Variants in EIF3E observed in about 807,000 individuals in gnomAD.
EIF3E encodes eIF-3 p48.
In EIF3E, 25 loss-of-function variants were observed where a neutral mutation model predicts 59.3. The ratio of observed to expected loss-of-function variants is 0.42; its 90% CI spans 0.31 to 0.59. EIF3E has a LOEUF of 0.59. Ranked by LOEUF, EIF3E falls within the 20% of genes least tolerant of loss-of-function variation. The pLI is 0.15. For missense variants in EIF3E, 317 were observed against 534.3 expected (o/e 0.59, Z 4.01); for synonymous variants, 176 against 170.2 (o/e 1.03, Z -0.26).
Position 108,201,801 on chromosome 8 carries a change from A to G in EIF3E, c.*84T>C. The stretch of plus-strand genomic sequence containing the variant: ...ATTTATACGTAATATGTTGTTTCCA[A>G]AATGTAAGTCACCCTTTATATAATA... On this transcript the variant is annotated 3_prime_UTR_variant, in exon 13 of 13. Transcript: ENST00000220849. The G allele has an allele frequency of 8.6e-7, 1 of 1,161,754 alleles. No individual in the cohort carries two copies. The highest frequency in any genetic ancestry group is 1.1e-6 in the Non-Finnish European group (1 of 877,462). The allele number at this position is 1,161,754 out of a possible 1,614,324, so 72.0% of individuals were successfully genotyped here.
chr8:108,240,114 A>C, intron 2 of EIF3E, 39 bp from the exon 3 acceptor site: 1 of 1,503,630 alleles, frequency 6.7e-7, no homozygotes, highest in Non-Finnish European at 9.3e-7. Flanking sequence ...ATGTTAAGGA[A>C]TGTTAAATTG....
chr8:108,235,067 A>C lies in EIF3E; in HGVS notation c.402T>G (p.Tyr134Ter). Residue 134 changes from tyrosine to a stop codon, truncating the protein, a stop_gained, in exon 5 of 13, where the codon TAT becomes TAG. Coordinates refer to ENST00000220849, the MANE Select transcript of EIF3E (RefSeq NM_001568.3). LOFTEE classifies it high-confidence loss of function. ...RQEYLDTLYR[Y>*]AKFQYECGNY... ...TCCCACATTCGTACTGGAATTTTGC[A>C]TATCTGTAGAGTGTATCTAAATATT... 1.3e-6 allele frequency: 2 copies of C among 1,595,428 alleles called. No homozygotes were observed. The highest frequency in any genetic ancestry group is 1.7e-6 in the Non-Finnish European group (2 of 1,173,952).
intron 3 of EIF3E, among the ~76,000 whole-genome samples, chr8:108,237,207 G>C (rs1053786458): frequency 1.3e-5 from 2 of 152,132 alleles, no homozygotes; most frequent in African/African-American, 2.4e-5. Context: ...AAGACATCAA[G>C]GGACAGGGGA....
At chr8:108,222,100 T>C (rs946664718) in intron 7 of EIF3E, among the ~76,000 whole-genome samples, 2 of 152,162 alleles carry the variant, frequency 1.3e-5, no homozygotes, top group Non-Finnish European at 2.9e-5. Flanking sequence ...TGGAGTGCAG[T>C]GTTACAGTCA....
At chr8:108,243,502 G>GT (rs1234653694) in intron 1 of EIF3E, 5 of 151,788 alleles carry the variant, frequency 3.3e-5, no homozygotes, top group African/African-American at 9.7e-5. Context: ...GGTGGTGGGC[G>GT]CCTGTAGTCC....
intron 7 of EIF3E, among the ~76,000 whole-genome samples, chr8:108,218,493 A>G (rs536860): frequency 6.6e-6 from 1 of 151,932 alleles, no homozygotes; most frequent in Non-Finnish European, 1.5e-5. Context: ...ACACTTAATA[A>G]TATCTAGTCC....
chr8:108,232,450 G>T (rs1026971365), intron 5 of EIF3E, among the ~76,000 whole-genome samples: 3 of 152,030 alleles, frequency 2.0e-5, no homozygotes, highest in East Asian at 3.9e-4. Flanking sequence ...GATTTGTTAG[G>T]GGCAATGCAA....
At chr8:108,228,526 A>T in intron 6 of EIF3E, 135 bp from the exon 7 acceptor site, 1 of 579,014 alleles carries the variant, frequency 1.7e-6, no homozygotes, top group East Asian at 3.5e-5. Flanking sequence ...ATTATGATCA[A>T]TGTCCGACCC....
At chr8:108,231,380 A>G (rs1028106814) in intron 5 of EIF3E, among the ~76,000 whole-genome samples, 1 of 152,172 alleles carries the variant, frequency 6.6e-6, no homozygotes, top group Non-Finnish European at 1.5e-5. Flanking sequence ...TCTTACAGTG[A>G]CATCACAACA....
At chr8:108,229,668 G>A (rs1415412180) in intron 5 of EIF3E, among the ~76,000 whole-genome samples, 2 of 152,102 alleles carry the variant, frequency 1.3e-5, no homozygotes, top group African/African-American at 4.8e-5. Context: ...ATGGAAGTCA[G>A]TACGGAGAGA....
At chr8:108,225,587 A>C (rs1389308343) in intron 7 of EIF3E, among the ~76,000 whole-genome samples, 1 of 151,592 alleles carries the variant, frequency 6.6e-6, no homozygotes, top group African/African-American at 2.4e-5. Flanking sequence ...CTACATTACA[A>C]ACAACCTTTT....
At chr8:108,229,369 G>A (rs368575020) in intron 5 of EIF3E, 174 bp from the exon 6 acceptor site, 1 of 540,776 alleles carries the variant, frequency 1.8e-6, no homozygotes, top group Non-Finnish European at 3.0e-6. Flanking sequence ...AAAAACCTTT[G>A]CTAAAAATAC....
chr8:108,232,328 A>G (rs1002922860), intron 5 of EIF3E, among the ~76,000 whole-genome samples: 1 of 152,232 alleles, frequency 6.6e-6, no homozygotes, highest in African/African-American at 2.4e-5. Context: ...GTAACTTTTT[A>G]GAATTTCCAG....
chr8:108,216,507 A>C lies in EIF3E; in HGVS notation c.856T>G (p.Tyr286Asp), dbSNP rs766034668. ...TCTGTAATTGGGTCTTTATATGTGT[A>C]AGACTCCTGTAAAAATAAGTCAACG... Reference protein sequence around the residue: ...DLVKVIQQESYTYKDPITEFV... With the variant: ...DLVKVIQQESDTYKDPITEFV... Residue 286 changes from tyrosine (Y) to aspartate (D), a missense_variant, in exon 9 of 13, where the codon TAC becomes GAC. Physicochemically the swap from Tyr to Asp is radical, Grantham distance 160. Around this residue, in one of 4 missense-constraint regions of EIF3E, gnomAD observed 242 missense variants for 398.0 expected, o/e 0.61. Transcript: ENST00000220849. The C allele has an allele frequency of 6.3e-7, 1 of 1,597,978 alleles. No homozygotes were observed. Among genetic ancestry groups the C allele is most frequent in the Non-Finnish European group, 8.5e-7 (1 of 1,170,570 alleles).
At chr8:108,215,209 C>A (rs1815279100) in intron 9 of EIF3E, among the ~76,000 whole-genome samples, 1 of 152,052 alleles carries the variant, frequency 6.6e-6, no homozygotes, top group Non-Finnish European at 1.5e-5. Flanking sequence ...AAAACCTAGA[C>A]ACTTAGCATA....
chr8:108,225,811 CAATT>C (rs1264124294), intron 7 of EIF3E, among the ~76,000 whole-genome samples: 2 of 150,632 alleles, frequency 1.3e-5, no homozygotes, highest in East Asian at 1.9e-4. Flanking sequence ...ACCCAGTTGT[CAATT>C]AACCCAGCAA....
At chr8:108,228,489 GC>G (rs1815560129) in intron 6 of EIF3E, 98 bp from the exon 7 acceptor site, 2 of 1,011,018 alleles carry the variant, frequency 2.0e-6, no homozygotes, top group Admixed American at 7.5e-5. Context: ...TTAAAAATGA[GC>G]CCCTTCTAAG....
chr8:108,246,386 T>C (rs1815950340), intron 1 of EIF3E, among the ~76,000 whole-genome samples: 1 of 152,056 alleles, frequency 6.6e-6, no homozygotes, highest in Non-Finnish European at 1.5e-5. Flanking sequence ...AAGTCCTCTT[T>C]GCTCACTGAA....
At chr8:108,217,592 A>T (rs1815328209) in intron 7 of EIF3E, 132 bp from the exon 8 acceptor site, 1 of 653,736 alleles carries the variant, frequency 1.5e-6, no homozygotes, top group African/African-American at 1.9e-5. Flanking sequence ...ATTATAAGAA[A>T]ATCTCCTCCA....
Sources: allele counts gnomAD v4.1 joint callset (sites outside exome capture counted in the v4.1 genomes callset), GRCh38; gene constraint gnomAD v4.1.1; regional missense constraint gnomAD v4.1.1; transcripts MANE v1.5; gene names NCBI Gene and HGNC (gene_info 2026-07-23, HGNC 2026-07-21).